The following NPTX1 variants were observed in gnomAD, a reference collection of about 807,000 sequenced individuals.
NPTX1 encodes neuronal pentraxin 1.
NPTX1 carries 12 observed loss-of-function variants against 38.7 expected under a neutral mutation model. That is an observed-to-expected ratio of 0.31 (90% confidence interval 0.20 to 0.50). NPTX1 has a LOEUF of 0.50. Among genes scored for constraint, NPTX1 ranks in the 20% least tolerant of loss-of-function variants. The pLI, the probability that NPTX1 is intolerant of heterozygous loss-of-function variation, is 0.98. For synonymous variants in NPTX1, 272 were observed against 264.9 expected, an observed-to-expected ratio of 1.03 and a Z score of -0.26; for missense variants, 454 against 592.2, an observed-to-expected ratio of 0.77 and a Z score of 2.42.
Position 80,475,959 on chromosome 17 carries a change from C to A in NPTX1, c.444+44G>T. ...AACGGGGTGGGGGAGGGCAGAGGGGCGAGCGAGCCGGAGGGGGAACCGGAG... is the reference window on the plus strand; with the variant it reads ...AACGGGGTGGGGGAGGGCAGAGGGGAGAGCGAGCCGGAGGGGGAACCGGAG... On this transcript the variant is annotated intron_variant, in intron 1 of 4. Coordinates refer to ENST00000306773, the MANE Select transcript of NPTX1 (RefSeq NM_002522.4). The surrounding 1 kb of genome is among the most constrained non-coding windows in gnomAD (Gnocchi z 6.5). 2 of 1,502,994 alleles carry A rather than the reference C, an allele frequency of 1.3e-6. No homozygotes were observed. Among genetic ancestry groups the A allele is most frequent in the African/African-American group, 1.4e-5 (1 of 70,118 alleles). The allele number at this position is 1,502,994 out of a possible 1,614,324, so 93.1% of individuals were successfully genotyped here.
chr17:80,472,250 A>T (rs780282990), intron 3 of NPTX1, among the ~76,000 whole-genome samples: 1 of 152,158 alleles, frequency 6.6e-6, no homozygotes, highest in African/African-American at 2.4e-5. Context: ...CTGGTGTCTG[A>T]GTTCACTGCT....
At position 80,467,869 on chromosome 17, in the gene NPTX1, TGTGTTA is replaced by T. The variant is rs1291081125; in HGVS notation, c.*2938_*2943del. ...TCTTCTACAGTAAGAGAAATAATAC[TGTGTTA>T]TCAAAAGCAAGAAGGCTTACGACTC... On this transcript the variant is annotated 3_prime_UTR_variant, in exon 5 of 5. Transcript: ENST00000306773. 1 of 152,626 alleles carries T rather than the reference TGTGTTA, an allele frequency of 6.6e-6. No individual in the cohort carries two copies. Among genetic ancestry groups the T allele is most frequent in the Non-Finnish European group, 1.5e-5 (1 of 68,042 alleles). The allele number at this position is 152,626 out of a possible 1,614,324, so 9.5% of individuals were successfully genotyped here. A position where few individuals can be genotyped will look rare whatever the true frequency, so the allele number is the denominator to read the frequency against.
chr17:80,472,630 A>C (rs2083848735), intron 3 of NPTX1, among the ~76,000 whole-genome samples: 2 of 152,180 alleles, frequency 1.3e-5, no homozygotes, highest in Non-Finnish European at 2.9e-5. Flanking sequence ...ATTGACTACC[A>C]CTGCTGGCCT....
intron 2 of NPTX1, chr17:80,474,800 A>ACCCCCCCCCCCCCCCCCCCCCCCCC (rs34595603): frequency 8.7e-6 from 1 of 114,706 alleles, no homozygotes; most frequent in Non-Finnish European, 2.0e-5. Flanking sequence ...CGCACCGGGC[A>ACCCCCCCCCCCCCCCCCCCCCCCCC]CCCCCCCCCC....
At chr17:80,474,748 C>A (rs986562260) in intron 2 of NPTX1, 1 of 152,082 alleles carries the variant, frequency 6.6e-6, no homozygotes, top group Non-Finnish European at 1.5e-5. Context: ...TAAATCTGTC[C>A]GGCACATTTT....
intron 2 of NPTX1, among the ~76,000 whole-genome samples, chr17:80,474,995 G>A (rs2083870157): frequency 6.6e-6 from 1 of 152,200 alleles, no homozygotes; most frequent in Non-Finnish European, 1.5e-5. Flanking sequence ...CAGGACAGAA[G>A]TGGGGAGGAG....
chr17:80,476,330 G>A lies in NPTX1; in HGVS notation c.117C>T (p.Ala39=). The A allele has an allele frequency of 6.5e-7, 1 of 1,541,052 alleles. No homozygotes were observed. Among genetic ancestry groups the A allele is most frequent in the Non-Finnish European group, 8.7e-7 (1 of 1,149,748 alleles). Residue 39 remains alanine, a synonymous_variant, in exon 1 of 5, where the codon GCC becomes GCT. Coordinates refer to ENST00000306773, the MANE Select transcript of NPTX1 (RefSeq NM_002522.4). The surrounding 1 kb of genome is among the most constrained non-coding windows in gnomAD (Gnocchi z 6.3). The part of the protein sequence containing the change: ...RFICTSVPVD[A]DMCAASVAAG... The stretch of plus-strand genomic sequence containing the variant: ...CGGCCACGGACGCGGCGCACATGTC[G>A]GCGTCCACGGGCACCGAGGTGCAGA...
At chr17:80,471,457 G>A (rs573132373) in intron 4 of NPTX1, among the ~76,000 whole-genome samples, 1 of 152,184 alleles carries the variant, frequency 6.6e-6, no homozygotes, top group Non-Finnish European at 1.5e-5. Context: ...ACCACTTCAC[G>A]GGAACTAGAT....
chr17:80,470,877 G>A lies in NPTX1; in HGVS notation c.1235C>T (p.Ser412Phe), dbSNP rs201679806. ...LSGNVIAWAESHIEIYGGATK... is the reference protein window; with the variant it reads ...LSGNVIAWAEFHIEIYGGATK... ...GGCCCCTCCGTAGATCTCGATGTGGGATTCAGCCCAGGCGATGACATTGCC... is the reference window on the plus strand; with the variant it reads ...GGCCCCTCCGTAGATCTCGATGTGGAATTCAGCCCAGGCGATGACATTGCC... The change falls in exon 5 of 5, where the codon TCC (serine) becomes TTC (phenylalanine). Residue 412 changes from serine (S) to phenylalanine (F), a missense_variant. Ser to Phe is a radical substitution (Grantham distance 155). Around this residue, in one of 4 missense-constraint regions of NPTX1, gnomAD observed 50 missense variants for 54.0 expected, o/e 0.93. Coordinates refer to ENST00000306773, the MANE Select transcript of NPTX1 (RefSeq NM_002522.4). The A allele has an allele frequency of 1.9e-6, 3 of 1,611,052 alleles. No homozygotes were observed. In the East Asian group the frequency reaches 6.7e-5, roughly 36 times the overall value.
chr17:80,472,855 C>G (rs2083849806), intron 3 of NPTX1, among the ~76,000 whole-genome samples: 1 of 152,190 alleles, frequency 6.6e-6, no homozygotes, highest in South Asian at 2.1e-4. Flanking sequence ...TCTCTGGGTC[C>G]CTGCTATGGA....
chr17:80,470,764 C>G lies in NPTX1; in HGVS notation c.*49G>C, dbSNP rs373433261. 1 of 1,290,100 alleles carries G rather than the reference C, an allele frequency of 7.8e-7. No homozygotes were observed. The highest frequency in any genetic ancestry group is 1.9e-5 in the Admixed American group (1 of 52,376). 79.9% of individuals were successfully genotyped at this position (1,290,100 alleles called of 1,614,324 possible). A position where few individuals can be genotyped will look rare whatever the true frequency, so the allele number is the denominator to read the frequency against. On this transcript the variant is annotated 3_prime_UTR_variant, in exon 5 of 5. Coordinates refer to ENST00000306773, the MANE Select transcript of NPTX1 (RefSeq NM_002522.4). ...AGAGACGCACAAAACAGATCATCGCCGCACAAGCAGGGGGCGAGGGCGGGC... is the reference window on the plus strand; with the variant it reads ...AGAGACGCACAAAACAGATCATCGCGGCACAAGCAGGGGGCGAGGGCGGGC...
chr17:80,476,587 C>T lies in NPTX1; in HGVS notation c.-141G>A, dbSNP rs1000355397. 1.1e-4 allele frequency: 28 copies of T among 263,926 alleles called. No homozygotes were observed. In the East Asian group the frequency reaches 1.7e-3, roughly 16 times the overall value. The allele number at this position is 263,926 out of a possible 1,614,324, so 16.3% of individuals were successfully genotyped here. A position where few individuals can be genotyped will look rare whatever the true frequency, so the allele number is the denominator to read the frequency against. On this transcript the variant is annotated 5_prime_UTR_variant, in exon 1 of 5. Coordinates refer to ENST00000306773, the MANE Select transcript of NPTX1 (RefSeq NM_002522.4). This position sits in a 1 kb window ranked among gnomAD's most constrained non-coding sequence, Gnocchi z 6.3. ...TTCGGCCGCGCGGTCCACACCGCCG[C>T]GCTATCAGGCCCCCACTGCCGCCTG...
chr17:80,470,822 C>T lies in NPTX1; in HGVS notation c.1290G>A (p.Gln430=). The T allele has an allele frequency of 4.4e-6, 7 of 1,589,728 alleles. No individual in the cohort carries two copies. The highest frequency in any genetic ancestry group is 6.0e-6 in the Non-Finnish European group (7 of 1,162,000). Residue 430 remains glutamine (Q), a synonymous_variant, in exon 5 of 5, where the codon CAG becomes CAA. Coordinates refer to ENST00000306773, the MANE Select transcript of NPTX1 (RefSeq NM_002522.4). The stretch of plus-strand genomic sequence containing the variant: ...GCCTGGCCTGCCGTGCTCAGTTGAT[C>T]TGGCGACAGGCCTCGAAGGTCCACT... The part of the protein sequence containing the change: ...ATKWTFEACR[Q]IN
At chr17:80,473,570 C>T (rs566136139) in intron 2 of NPTX1, 126 bp from the exon 3 acceptor site, 203 of 966,722 alleles carry the variant, frequency 2.1e-4, no homozygotes, top group Middle Eastern at 6.5e-4. Flanking sequence ...ATTCTGGAGA[C>T]GCAGAGCGGG....
rs948228749 is a variant in NPTX1, at chr17:80,475,428, G to A, written c.652+83C>T. 4.9e-6 allele frequency: 5 copies of A among 1,010,692 alleles called. No homozygotes were observed. The highest frequency in any genetic ancestry group is 7.1e-6 in the Non-Finnish European group (5 of 706,354). The allele number at this position is 1,010,692 out of a possible 1,614,324, so 62.6% of individuals were successfully genotyped here. A position where few individuals can be genotyped will look rare whatever the true frequency, so the allele number is the denominator to read the frequency against. On this transcript the variant is annotated intron_variant, in intron 2 of 4. Transcript: ENST00000306773. The surrounding 1 kb of genome is among the most constrained non-coding windows in gnomAD (Gnocchi z 6.5). ...CGGCTTGAGGCTTGCACAGTGCAGA[G>A]CTGGGCTGTTAGGGATCGGGACCGA...
rs921200436 is a variant in NPTX1, at chr17:80,475,812, C to A, written c.445-94G>T. On this transcript the variant is annotated intron_variant, in intron 1 of 4. Transcript: ENST00000306773. This position sits in a 1 kb window ranked among gnomAD's most constrained non-coding sequence, Gnocchi z 6.5. ...CGGCGCGGTCCCCTCTGGGCGACTG[C>A]GGGGGCGGCCTGGCAGGGAGCTGGG... 2.1e-5 allele frequency: 22 copies of A among 1,047,922 alleles called. 1 individual carries two copies. The South Asian group carries it at 3.2e-4, about 15-fold the overall frequency. 64.9% of individuals were successfully genotyped at this position (1,047,922 alleles called of 1,614,324 possible). A position where few individuals can be genotyped will look rare whatever the true frequency, so the allele number is the denominator to read the frequency against.
intron 2 of NPTX1, chr17:80,474,499 C>T (rs2083863589): frequency 6.6e-6 from 1 of 152,498 alleles, no homozygotes; most frequent in African/African-American, 2.4e-5. Flanking sequence ...CAGCAACCAC[C>T]CCCTCCTCTA....
rs2083812802 is a variant in NPTX1 at position 80,467,492 on chromosome 17, C to T, written c.*3321G>A. ...GTTCACCATAAATGGCCAGTTTTAC[C>T]TCCTGGTCCCCAACATGCTTTTGAG... On this transcript the variant is annotated 3_prime_UTR_variant, in exon 5 of 5. Coordinates refer to ENST00000306773, the MANE Select transcript of NPTX1 (RefSeq NM_002522.4). 1 of 152,586 alleles carries T rather than the reference C, an allele frequency of 6.6e-6. No individual in the cohort carries two copies. Among genetic ancestry groups the T allele is most frequent in the African/African-American group, 2.4e-5 (1 of 41,444 alleles). 9.5% of individuals were successfully genotyped at this position (152,586 alleles called of 1,614,324 possible). A position where few individuals can be genotyped will look rare whatever the true frequency, so the allele number is the denominator to read the frequency against.
rs536861818 is a variant in NPTX1, at chr17:80,470,518, T to A, written c.*295A>T. On this transcript the variant is annotated 3_prime_UTR_variant, in exon 5 of 5. Coordinates refer to ENST00000306773, the MANE Select transcript of NPTX1 (RefSeq NM_002522.4). The stretch of plus-strand genomic sequence containing the variant: ...ACACATGTAGACACGCACACACAGA[T>A]CCTCTCACCAACTTCTGCCTTGTTC... The A allele has an allele frequency of 3.8e-5, 11 of 288,914 alleles. No individual in the cohort carries two copies. The East Asian group carries it at 7.1e-4, about 19-fold the overall frequency. 17.9% of individuals were successfully genotyped at this position (288,914 alleles called of 1,614,324 possible). A position where few individuals can be genotyped will look rare whatever the true frequency, so the allele number is the denominator to read the frequency against.
Sources: allele counts gnomAD v4.1 joint callset (sites outside exome capture counted in the v4.1 genomes callset), GRCh38; gene constraint gnomAD v4.1.1; regional missense constraint gnomAD v4.1.1; non-coding constraint Gnocchi (gnomAD v3.1); transcripts MANE v1.5; gene names NCBI Gene and HGNC (gene_info 2026-07-23, HGNC 2026-07-21).